Variants in MAZ observed in about 807,000 individuals in gnomAD.
MAZ encodes MYC associated zinc finger protein, also known as myc-associated zinc finger protein.
A neutral mutation model predicts 32.7 loss-of-function variants in MAZ; 4 were observed. That is an observed-to-expected ratio of 0.12 (90% CI 0.06 to 0.28). The LOEUF (loss-of-function observed/expected upper bound fraction) is 0.28. MAZ is among the 10% of genes least tolerant of loss of function. MAZ has a pLI of 1.00. For missense variants in MAZ, 763 were observed against 667.2 expected (o/e 1.14, Z -1.58); for synonymous variants, 510 against 297.6 (o/e 1.71, Z -7.35).
At position 29,807,224 on chromosome 16, in the gene MAZ, G is replaced by T; in HGVS notation, c.439G>T (p.Ala147Ser). Residue 147 changes from alanine to serine, a missense_variant, in exon 2 of 5, where the codon GCC (alanine) becomes TCC (serine). Physicochemically the swap from Ala to Ser is moderately conservative, Grantham distance 99 (BLOSUM62 1). Coordinates refer to ENST00000322945, the MANE Select transcript of MAZ (RefSeq NM_002383.4). ...PPPVSAPAAE[A>S]APPASAATIA... Reference sequence around the variant, plus strand: ...GCCAGTGTCGGCGCCCGCGGCCGAGGCCGCGCCCCCCGCCTCCGCCGCCAC... The same window carrying T: ...GCCAGTGTCGGCGCCCGCGGCCGAGTCCGCGCCCCCCGCCTCCGCCGCCAC... The T allele has an allele frequency of 7.7e-7, 1 of 1,303,678 alleles. No homozygotes were observed. 80.8% of individuals were successfully genotyped at this position (1,303,678 alleles called of 1,614,324 possible).
At position 29,810,472 on chromosome 16, in the gene MAZ, C is replaced by T. The variant is rs1453753849; in HGVS notation, c.*241C>T. On this transcript the variant is annotated 3_prime_UTR_variant, in exon 5 of 5. Transcript: ENST00000322945. ...TGTCCCCTCGGTTGTGTTGAAGTCC[C>T]CTGGACAGTGGGCAGGGGTGGCAGA... The T allele has an allele frequency of 1.4e-6, 1 of 705,858 alleles. No homozygotes were observed. Among genetic ancestry groups the T allele is most frequent in the Non-Finnish European group, 2.6e-6 (1 of 388,228 alleles). The allele number at this position is 705,858 out of a possible 1,614,324, so 43.7% of individuals were successfully genotyped here. A position where few individuals can be genotyped will look rare whatever the true frequency, so the allele number is the denominator to read the frequency against.
intron 4 of MAZ, chr16:29,809,070 A>G: frequency 1.9e-6 from 1 of 527,836 alleles, no homozygotes; most frequent in East Asian, 3.2e-5. Flanking sequence ...GCGCAGCCAC[A>G]AGGTCTTGTC....
At chr16:29,808,867 G>T (rs780071359) in intron 4 of MAZ, 126 bp downstream of exon 4, 1 of 891,674 alleles carries the variant, frequency 1.1e-6, no homozygotes. Flanking sequence ...CCTACAAGAG[G>T]TCAAGGGAGC....
intron 4 of MAZ, chr16:29,809,415 C>T (rs1899774865): frequency 1.5e-6 from 1 of 680,584 alleles, no homozygotes; most frequent in Non-Finnish European, 2.6e-6. Context: ...CCCCAGGCTA[C>T]CAAGGATACC....
Position 29,810,095 on chromosome 16 carries a change from C to G in MAZ, c.1298C>G (p.Pro433Arg), listed in dbSNP as rs540404753. ...TGTGCAGGTACTGGTGAGGTTTGTC[C>G]AATGGCGGCGGCAGCGGCAGCGGCG... ...LCNKGTGEVCPMAAAAAAAAA... is the reference protein window; with the variant it reads ...LCNKGTGEVCRMAAAAAAAAA... The change falls in exon 5 of 5, where the codon CCA (proline) becomes CGA (arginine). Residue 433 changes from proline to arginine, a missense_variant. Physicochemically the swap from Pro to Arg is moderately radical, Grantham distance 103 (BLOSUM62 -2). Transcript: ENST00000322945. The G allele has an allele frequency of 6.2e-7, 1 of 1,611,618 alleles. No homozygotes were observed. The highest frequency in any genetic ancestry group is 1.3e-5 in the African/African-American group (1 of 74,734).
rs1596883666 is a variant in MAZ, at chr16:29,810,713, G to A, written c.*482G>A. On this transcript the variant is annotated 3_prime_UTR_variant, in exon 5 of 5. Transcript: ENST00000322945. ...GAGGAGAGGAAGGAGGGGGATCAGA[G>A]CTGTCCCAAAGAGGGAAAGCGGTGA... 1 of 437,820 alleles carries A rather than the reference G, an allele frequency of 2.3e-6. No individual in the cohort carries two copies. The allele number at this position is 437,820 out of a possible 1,614,324, so 27.1% of individuals were successfully genotyped here. A position where few individuals can be genotyped will look rare whatever the true frequency, so the allele number is the denominator to read the frequency against.
intron 2 of MAZ, 119 bp downstream of exon 2, chr16:29,807,947 T>C (rs1462395550): frequency 6.7e-7 from 1 of 1,481,758 alleles, no homozygotes; most frequent in Admixed American, 2.2e-5. Context: ...GGGGAGCCAC[T>C]CCCAGGGCGG....
In MAZ at chr16:29,807,847, C is replaced by T. The variant is rs1196606731; in HGVS notation, c.1043+19C>T. On this transcript the variant is annotated intron_variant, in intron 2 of 4. Transcript: ENST00000322945. ...TCTCCCGGTGTGCACGGGGCCTCGG[C>T]CGCCCGCTAGGCCGTGGGGAGGGAG... 6.3e-7 allele frequency: 1 copy of T among 1,596,372 alleles called. No homozygotes were observed. The highest frequency in any genetic ancestry group is 8.5e-7 in the Non-Finnish European group (1 of 1,175,498).
In MAZ at chr16:29,810,331, A is replaced by C; in HGVS notation, c.*100A>C. 8.4e-7 allele frequency: 1 copy of C among 1,195,604 alleles called. No individual in the cohort carries two copies. Among genetic ancestry groups the C allele is most frequent in the Non-Finnish European group, 1.2e-6 (1 of 829,986 alleles). The allele number at this position is 1,195,604 out of a possible 1,614,324, so 74.1% of individuals were successfully genotyped here. A position where few individuals can be genotyped will look rare whatever the true frequency, so the allele number is the denominator to read the frequency against. ...TCCCACCAACTCCTATTTCCCTACC[A>C]ACCAAGGAGCCTCCAGAAGGAAAGG... On this transcript the variant is annotated 3_prime_UTR_variant, in exon 5 of 5. Coordinates refer to ENST00000322945, the MANE Select transcript of MAZ (RefSeq NM_002383.4).
At position 29,807,827 on chromosome 16, in the gene MAZ, C is replaced by T; in HGVS notation, c.1042C>T (p.Arg348Trp). Residue 348 changes from arginine to tryptophan, a missense_variant and splice_region_variant, in exon 2 of 5, where the codon CGG becomes TGG. Transcript: ENST00000322945. ...NCSHCGKSFS[R>W]PDHLNSHVRQ... ...CTCCCACTGTGGCAAGAGCTTCTCC[C>T]GGTGTGCACGGGGCCTCGGCCGCCC... 1.2e-6 allele frequency: 2 copies of T among 1,604,074 alleles called. No homozygotes were observed. Among genetic ancestry groups the T allele is most frequent in the Non-Finnish European group, 8.5e-7 (1 of 1,178,554 alleles).
chr16:29,807,861 G>C (rs916068716), intron 2 of MAZ, 33 bp downstream of exon 2: 2 of 1,590,932 alleles, frequency 1.3e-6, no homozygotes, highest in East Asian at 2.2e-5. Flanking sequence ...CCGCTAGGCC[G>C]TGGGGAGGGA....
intron 4 of MAZ, 187 bp downstream of exon 4, chr16:29,808,928 G>A: frequency 1.7e-6 from 1 of 602,016 alleles, no homozygotes; most frequent in Non-Finnish European, 2.9e-6. Flanking sequence ...AGTCCTGGTT[G>A]GAAGAGATGA....
rs956350403 is a variant in MAZ, at chr16:29,808,701, C to T, written c.1239C>T (p.His413=). ...ATATTTCGGACCACATGAAGGTGCACAGCCAGGGTCCTCACCATGTCTGTG... is the reference window on the plus strand; with the variant it reads ...ATATTTCGGACCACATGAAGGTGCATAGCCAGGGTCCTCACCATGTCTGTG... The part of the protein sequence containing the change: ...SAYISDHMKV[H]SQGPHHVCEL... Residue 413 remains histidine (H), a synonymous_variant, in exon 4 of 5, where the codon CAC becomes CAT. Coordinates refer to ENST00000322945, the MANE Select transcript of MAZ (RefSeq NM_002383.4). 3.7e-6 allele frequency: 6 copies of T among 1,614,008 alleles called. No homozygotes were observed. The highest frequency in any genetic ancestry group is 5.1e-6 in the Non-Finnish European group (6 of 1,180,006).
rs546595080 is a variant in MAZ at position 29,806,929 on chromosome 16, G to A, written c.192+36G>A. ...CCGGCCGCGGCGGCCCGGGCTGGGG[G>A]GGGACGCCCGCCCGCACCCGCGGCC... is the stretch of plus-strand genomic sequence containing the variant. On this transcript the variant is annotated intron_variant, in intron 1 of 4. Coordinates refer to ENST00000322945, the MANE Select transcript of MAZ (RefSeq NM_002383.4). 486 of 1,226,528 alleles carry A rather than the reference G, an allele frequency of 4.0e-4. 4 individuals are homozygous for A. The South Asian group carries it at 8.8e-3, about 22-fold the overall frequency. The allele number at this position is 1,226,528 out of a possible 1,614,324, so 76.0% of individuals were successfully genotyped here.
At chr16:29,809,006 G>T (rs941941306) in intron 4 of MAZ, 1 of 557,308 alleles carries the variant, frequency 1.8e-6, no homozygotes, top group African/African-American at 1.9e-5. Flanking sequence ...GCTGCTCTGG[G>T]GAAGGAGTAG....
chr16:29,810,688 G>GAGGAGAGGA lies in MAZ; in HGVS notation c.*463_*471dup, dbSNP rs1312774764. On this transcript the variant is annotated 3_prime_UTR_variant, in exon 5 of 5. Transcript: ENST00000322945. ...TTTTTTTTTTTTTTCCAGGGGGAGG[G>GAGGAGAGGA]AGGAGAGGAAGGAGGGGGATCAGAG... 4.2e-6 allele frequency: 2 copies of GAGGAGAGGA among 479,520 alleles called. No individual in the cohort carries two copies. The highest frequency in any genetic ancestry group is 2.0e-5 in the African/African-American group (1 of 50,826). The allele number at this position is 479,520 out of a possible 1,614,324, so 29.7% of individuals were successfully genotyped here.
At chr16:29,808,398 C>T (rs188783582) in intron 3 of MAZ, 105 bp downstream of exon 3, 45 of 1,221,280 alleles carry the variant, frequency 3.7e-5, no homozygotes, top group Middle Eastern at 1.9e-4. Context: ...TTCTTTTTGC[C>T]TTTTTGCTCC....
At position 29,806,638 on chromosome 16, in the gene MAZ, GGCCCCGCGCGGCCCGC is replaced by G; in HGVS notation, c.-58_-43del. ...GGCCGGGGGCGGCGCCCCGAGCCCG[GGCCCCGCGCGGCCCGC>G]GCCCCCGGCCCCCGCTGAGCCCCGG... On this transcript the variant is annotated 5_prime_UTR_variant, in exon 1 of 5. An upstream open reading frame in the 5' UTR loses its in-frame stop. Transcript: ENST00000322945. The G allele has an allele frequency of 1.0e-6, 1 of 967,600 alleles. No homozygotes were observed. The highest frequency in any genetic ancestry group is 1.2e-6 in the Non-Finnish European group (1 of 817,584). 59.9% of individuals were successfully genotyped at this position (967,600 alleles called of 1,614,324 possible).
At chr16:29,808,169 C>G (rs1899654767) in intron 2 of MAZ, 61 bp from the exon 3 acceptor site, 3 of 1,417,974 alleles carry the variant, frequency 2.1e-6, no homozygotes, top group Admixed American at 1.7e-5. Context: ...GCCTGTGGTG[C>G]GGTTTGGTGG....
Sources: gnomAD v4.1 joint callset for allele counts on GRCh38, gnomAD v4.1.1 for gene constraint, MANE v1.5 for transcripts, NCBI Gene and HGNC (gene_info 2026-07-23, HGNC 2026-07-21) for gene names.